Variants in LAMA5 observed in about 807,000 individuals in gnomAD.
LAMA5 encodes the protein laminin subunit alpha-5.
Under a neutral mutation model 433.4 loss-of-function variants are expected in LAMA5, and 260 were observed. The observed-to-expected ratio is 0.60, with a 90% CI of 0.54 to 0.66. The LOEUF (loss-of-function observed/expected upper bound fraction) is 0.66, where lower values mean the gene tolerates loss of function less well. Among genes scored for constraint, LAMA5 ranks in the 30% least tolerant of loss-of-function variants. The pLI is 0.00. For synonymous variants in LAMA5, 2,620 were observed against 2,226.6 expected (o/e 1.18, Z -4.97); for missense variants, 5,378 against 5,258.5 (o/e 1.02, Z -0.70).
At chr20:62,361,951 C>G (rs893955880) in intron 2 of LAMA5, among the ~76,000 whole-genome samples, 1 of 152,190 alleles carries the variant, frequency 6.6e-6, no homozygotes, top group Non-Finnish European at 1.5e-5. Context: ...CCTCAGTGGC[C>G]GCCACCTCGG....
At chr20:62,340,760 C>G (rs982803340) in intron 11 of LAMA5, among the ~76,000 whole-genome samples, 1 of 151,760 alleles carries the variant, frequency 6.6e-6, no homozygotes, top group African/African-American at 2.4e-5. Context: ...AACTGCCAGG[C>G]GCAGTGGCTC....
intron 6 of LAMA5, among the ~76,000 whole-genome samples, chr20:62,347,341 C>T (rs1293501711): frequency 6.6e-6 from 1 of 152,046 alleles, no homozygotes. Flanking sequence ...CCGGGTGGGG[C>T]CTAGGACAGG....
In LAMA5 at chr20:62,324,146, C is replaced by T; in HGVS notation, c.5702G>A (p.Ser1901Asn). The T allele has an allele frequency of 6.4e-7, 1 of 1,558,072 alleles. No homozygotes were observed. The highest frequency in any genetic ancestry group is 2.3e-5 in the East Asian group (1 of 43,790). ...HCERCQAGFV[S>N]SRDDPSAPCV... ...GGGGGCGCTGGGGTCGTCCCTGCTGCTCACGAAGCCAGCCTGGCAGCGCTC... is the reference window on the plus strand; with the variant it reads ...GGGGGCGCTGGGGTCGTCCCTGCTGTTCACGAAGCCAGCCTGGCAGCGCTC... The change falls in exon 43 of 80, where the codon AGC (serine) becomes AAC (asparagine). Residue 1901 changes from serine to asparagine, a missense_variant. By Grantham distance (46) the Ser-to-Asn change is conservative. Coordinates refer to ENST00000252999, the MANE Select transcript of LAMA5 (RefSeq NM_005560.6). The surrounding 1 kb of genome is among the most constrained non-coding windows in gnomAD (Gnocchi z 4.4).
intron 48 of LAMA5, among the ~76,000 whole-genome samples, chr20:62,321,248 T>G (rs970394768): frequency 5.1e-3 from 13 of 2,564 alleles, no homozygotes; most frequent in Non-Finnish European, 5.2e-3. Flanking sequence ...TGTGGAGGGG[T>G]GGGGCCAGTG....
rs1174324786 is a variant in LAMA5, at chr20:62,318,515, T to C, written c.7178A>G (p.Asp2393Gly). The C allele has an allele frequency of 1.2e-6, 2 of 1,609,244 alleles. No homozygotes were observed. Among genetic ancestry groups the C allele is most frequent in the Non-Finnish European group, 1.7e-6 (2 of 1,178,896 alleles). The change falls in exon 53 of 80, where the codon GAC becomes GGC. Residue 2393 changes from aspartate to glycine, a missense_variant. Coordinates refer to ENST00000252999, the MANE Select transcript of LAMA5 (RefSeq NM_005560.6). ...DLREALNRAV[D>G]ATREAQELNS... ...GAGCTCCTGGGCCTCCCGTGTGGCGTCCACTGCCCGGTTCAAAGCCTCTCG... is the reference window on the plus strand; with the variant it reads ...GAGCTCCTGGGCCTCCCGTGTGGCGCCCACTGCCCGGTTCAAAGCCTCTCG...
In LAMA5 at chr20:62,346,564, G is replaced by A. The variant is rs369596329; in HGVS notation, c.1224C>T (p.Cys408=). 128 of 1,572,318 alleles carry A rather than the reference G, an allele frequency of 8.1e-5. No individual in the cohort carries two copies. The highest frequency in any genetic ancestry group is 8.8e-5 in the Non-Finnish European group (102 of 1,158,936). Residue 408 remains cysteine, a synonymous_variant, in exon 9 of 80, where the codon TGC becomes TGT. Coordinates refer to ENST00000252999, the MANE Select transcript of LAMA5 (RefSeq NM_005560.6). ...HHTTGVNCER[C]LPGFYRSPNH... Reference sequence around the variant, plus strand: ...TGGGAGAGCGGTAGAAGCCGGGCAGGCAGCGCTCACAGTTGACGCCGGTGG... The same window carrying A: ...TGGGAGAGCGGTAGAAGCCGGGCAGACAGCGCTCACAGTTGACGCCGGTGG...
chr20:62,312,423 C>A lies in LAMA5; in HGVS notation c.9337G>T (p.Ala3113Ser). The A allele has an allele frequency of 1.3e-6, 2 of 1,597,784 alleles. No individual in the cohort carries two copies. The highest frequency in any genetic ancestry group is 1.7e-5 in the Admixed American group (1 of 59,894). ...LKRLNTTGVS[A>S]GCTADLLVGR... ...ACCAGCAGGTCGGCGGTGCAGCCGG[C>A]GCTCACGCCTGTCGTGTTCAGCCGC... Residue 3113 changes from alanine to serine, a missense_variant, in exon 68 of 80, where the codon GCC (alanine) becomes TCC (serine). Coordinates refer to ENST00000252999, the MANE Select transcript of LAMA5 (RefSeq NM_005560.6).
Position 62,334,136 on chromosome 20 carries a change from G to A in LAMA5, c.2739+50C>T, listed in dbSNP as rs570832106. 148 of 1,592,204 alleles carry A rather than the reference G, an allele frequency of 9.3e-5. No individual in the cohort carries two copies. In the East Asian group the frequency reaches 2.4e-3, roughly 26 times the overall value. Reference sequence around the variant, plus strand: ...CTGCCCACCCCTCCCTGCCAGCCACGCCTGGCTCCACTTCTAGGCTGAGCC... The same window carrying A: ...CTGCCCACCCCTCCCTGCCAGCCACACCTGGCTCCACTTCTAGGCTGAGCC... On this transcript the variant is annotated intron_variant, in intron 22 of 79. Transcript: ENST00000252999.
chr20:62,317,207 G>A (rs1025989247), intron 55 of LAMA5, 138 bp downstream of exon 55: 29 of 1,189,690 alleles, frequency 2.4e-5, no homozygotes, highest in African/African-American at 1.1e-4. Flanking sequence ...CCAGCTTGCC[G>A]TGGAGCTGAG....
Position 62,313,316 on chromosome 20 carries a change from G to A in LAMA5, c.8792+11C>T, listed in dbSNP as rs1448663634. On this transcript the variant is annotated intron_variant, in intron 64 of 79. Transcript: ENST00000252999. ...GGGTGGGTGGAGACGGGGAGGGCAG[G>A]CCACACGCACCGGGCACAAGGCCTG... 1 of 1,547,086 alleles carries A rather than the reference G, an allele frequency of 6.5e-7. No individual in the cohort carries two copies. Among genetic ancestry groups the A allele is most frequent in the South Asian group, 1.2e-5 (1 of 83,568 alleles).
chr20:62,329,587 C>CA (rs1979969452), intron 32 of LAMA5, among the ~76,000 whole-genome samples, 190 bp downstream of exon 32: 1 of 152,338 alleles, frequency 6.6e-6, no homozygotes, highest in South Asian at 2.1e-4. Context: ...GTGCAGGGTG[C>CA]AGGGTCCAGG....
rs770808382 is a variant in LAMA5 at position 62,335,262 on chromosome 20, G to C, written c.2331C>G (p.Ser777Arg). Reference protein sequence around the residue: ...PSNPEGCTRCSCDLRGTLGGV... With the variant: ...PSNPEGCTRCRCDLRGTLGGV... ...CACCCAGTGTGCCCCTGAGGTCGCA[G>C]CTGCAGCCTGGGGAGAGCAGGGCAG... The change falls in exon 19 of 80, where the codon AGC (serine) becomes AGG (arginine). Residue 777 changes from serine to arginine, a missense_variant. Coordinates refer to ENST00000252999, the MANE Select transcript of LAMA5 (RefSeq NM_005560.6). 8 of 1,612,228 alleles carry C rather than the reference G, an allele frequency of 5.0e-6. No homozygotes were observed. The African/African-American group carries it at 9.4e-5, about 19-fold the overall frequency.
intron 2 of LAMA5, among the ~76,000 whole-genome samples, chr20:62,361,185 G>A (rs989586840): frequency 6.6e-6 from 1 of 152,030 alleles, no homozygotes; most frequent in Non-Finnish European, 1.5e-5. Flanking sequence ...GGCTCCAGGG[G>A]ACAGGGGAGT....
chr20:62,309,632 G>C, intron 79 of LAMA5, 84 bp downstream of exon 79: 1 of 616,508 alleles, frequency 1.6e-6, no homozygotes, highest in Non-Finnish European at 2.4e-6. Flanking sequence ...GGCAGGGGGT[G>C]GAGGGGTGGG....
At chr20:62,318,704 C>T (rs992694841) in intron 52 of LAMA5, 54 bp from the exon 53 acceptor site, 9 of 1,586,858 alleles carry the variant, frequency 5.7e-6, no homozygotes, top group East Asian at 2.3e-5. Flanking sequence ...CCCTTCATGA[C>T]CCCTGGTCTC....
rs2146104865 is a variant in LAMA5, at chr20:62,320,651, G to A, written c.6667C>T (p.Leu2223=). The A allele has an allele frequency of 6.2e-7, 1 of 1,606,168 alleles. No individual in the cohort carries two copies. The highest frequency in any genetic ancestry group is 8.5e-7 in the Non-Finnish European group (1 of 1,177,208). The change falls in exon 50 of 80, where the codon CTG becomes TTG. Residue 2223 remains leucine (L), a synonymous_variant. Transcript: ENST00000252999. ...ADLQSQLRSP[L]GPRHETAQQL... is the part of the protein sequence containing the mutation. ...TGTGCCGTCTCATGGCGGGGGCCCA[G>A]GGGGCTCCGGAGCTGGCTCTGTGGG...
rs375840364 is a variant in LAMA5 at position 62,351,487 on chromosome 20, C to T, written c.956+217G>A. Among the ~76,000 whole-genome samples the T allele has an allele frequency of 6.5e-4, 99 of 152,284 alleles. No individual in the cohort carries two copies. Among genetic ancestry groups the T allele is most frequent in the African/African-American group, 1.4e-3 (59 of 41,550 alleles). On this transcript the variant is annotated intron_variant, in intron 6 of 79. Transcript: ENST00000252999. ...GCCCCCCAAACCAAGATAGGGCACC[C>T]TGGGGAGGCTGCACATGCCCTGGCC...
Position 62,323,593 on chromosome 20 carries a change from T to A in LAMA5, c.5927A>T (p.Asp1976Val). The A allele has an allele frequency of 6.2e-7, 1 of 1,610,436 alleles. No homozygotes were observed. The highest frequency in any genetic ancestry group is 1.7e-4 in the Middle Eastern group (1 of 6,044). ...GCAGTCGCTGAAGAGCAAGTTGGGG[T>A]CACCGTTGCCGCTGCAGTCGCATGG... The part of the protein sequence containing the change: ...CQPCDCSGNG[D>V]PNLLFSDCDP... Residue 1976 changes from aspartate (D) to valine (V), a missense_variant, in exon 45 of 80, where the codon GAC becomes GTC. Transcript: ENST00000252999.
intron 45 of LAMA5, 114 bp downstream of exon 45, chr20:62,323,342 C>T (rs1490247049): frequency 5.6e-6 from 5 of 896,242 alleles, no homozygotes; most frequent in Non-Finnish European, 8.2e-6. Flanking sequence ...TCCGACTTGT[C>T]CTGGCTGGGC....
Sources: gnomAD v4.1 joint callset for allele counts (sites outside exome capture counted in the v4.1 genomes callset) on GRCh38, gnomAD v4.1.1 for gene constraint, Gnocchi (gnomAD v3.1) non-coding constraint, MANE v1.5 for transcripts, NCBI Gene and HGNC (gene_info 2026-07-23, HGNC 2026-07-21) for gene names.